PTPN3: variants seen among roughly 807,000 people sequenced by gnomAD.
The protein encoded by PTPN3 is tyrosine-protein phosphatase non-receptor type 3.
In PTPN3, 96 loss-of-function variants were observed where a neutral mutation model predicts 132.7. That is an observed-to-expected ratio of 0.72 (90% CI 0.61 to 0.86). The LOEUF (loss-of-function observed/expected upper bound fraction) is 0.86, where lower values mean the gene tolerates loss of function less well. PTPN3 is among the 40% of genes least tolerant of loss of function. The pLI, the probability that PTPN3 is intolerant of heterozygous loss-of-function variation, is 0.00. For synonymous variants in PTPN3, 398 were observed against 429.0 expected, an observed-to-expected ratio of 0.93 and a Z score of 0.89; for missense variants, 1,125 against 1,159.6, an observed-to-expected ratio of 0.97 and a Z score of 0.43.
At chr9:109,497,828 C>A (rs1186225446) in intron 1 of PTPN3, among the ~76,000 whole-genome samples, 2 of 151,900 alleles carry the variant, frequency 1.3e-5, no homozygotes, top group Non-Finnish European at 2.9e-5. Flanking sequence ...CTGTGTGCCC[C>A]CTCGGAGCCC....
chr9:109,457,816 C>G (rs1176565020), intron 2 of PTPN3, among the ~76,000 whole-genome samples: 1 of 152,174 alleles, frequency 6.6e-6, no homozygotes, highest in Admixed American at 6.5e-5. Flanking sequence ...GGAGAAGCCA[C>G]CGAAGTGCAT....
rs532494067 is a variant in PTPN3 at position 109,459,965 on chromosome 9, T to C, written c.139-2566A>G. ...CTCCAGTTTCAAGCTTGAAATCCCA[T>C]CTCTATCCTGGTGACATCCACATCT... On this transcript the variant is annotated intron_variant, in intron 2 of 25. Transcript: ENST00000374541. Among the ~76,000 whole-genome samples the C allele has an allele frequency of 2.0e-5, 3 of 152,078 alleles. No homozygotes were observed. In the South Asian group the frequency reaches 6.2e-4, roughly 32 times the overall value.
chr9:109,476,281 A>G (rs528916162), intron 1 of PTPN3, among the ~76,000 whole-genome samples: 2 of 152,156 alleles, frequency 1.3e-5, no homozygotes, highest in Non-Finnish European at 2.9e-5. Context: ...GACTTCTAAA[A>G]GGCATGCCAA....
chr9:109,520,891 TG>T, the PTPN3 span, among the ~76,000 whole-genome samples: 1 of 151,808 alleles, frequency 6.6e-6, no homozygotes, highest in Non-Finnish European at 1.5e-5. Context: ...TGAGTGCACT[TG>T]CACACACGCC....
At chr9:109,507,462 G>T in the PTPN3 span, among the ~76,000 whole-genome samples, 1 of 152,230 alleles carries the variant, frequency 6.6e-6, no homozygotes, top group East Asian at 1.9e-4. Flanking sequence ...TAAGAACGGG[G>T]GATGCTATTC....
chr9:109,456,788 C>T (rs897137385), intron 4 of PTPN3, among the ~76,000 whole-genome samples: 1 of 152,102 alleles, frequency 6.6e-6, no homozygotes, highest in African/African-American at 2.4e-5. Flanking sequence ...TCCGTGAACG[C>T]GACTATGCTG....
intron 5 of PTPN3, chr9:109,449,711 A>T: frequency 1.0e-6 from 1 of 985,468 alleles, no homozygotes; most frequent in Non-Finnish European, 1.2e-6. Context: ...TAGACATTCC[A>T]TTGTCTGGCC....
chr9:109,425,996 A>T (rs1843249331), intron 12 of PTPN3, among the ~76,000 whole-genome samples: 2 of 149,944 alleles, frequency 1.3e-5, no homozygotes, highest in Admixed American at 1.3e-4. Context: ...GCTGGGTGAC[A>T]GAGTAAGACT....
At chr9:109,536,001 C>A in the PTPN3 span, among the ~76,000 whole-genome samples, 1 of 152,168 alleles carries the variant, frequency 6.6e-6, no homozygotes, top group Admixed American at 6.5e-5. Context: ...AAGCCCTGTA[C>A]CATGAAGCAG....
intron 1 of PTPN3, among the ~76,000 whole-genome samples, chr9:109,483,353 G>A (rs551553273): frequency 1.3e-5 from 2 of 152,290 alleles, no homozygotes; most frequent in East Asian, 3.9e-4. Flanking sequence ...TTGATCACAG[G>A]CTTTACTCAT....
the PTPN3 span, among the ~76,000 whole-genome samples, chr9:109,531,082 T>G: frequency 6.6e-6 from 1 of 152,224 alleles, no homozygotes; most frequent in Admixed American, 6.5e-5. Flanking sequence ...CAAAGCCCAA[T>G]TTGTCTATTT....
At chr9:109,530,721 A>G in the PTPN3 span, among the ~76,000 whole-genome samples, 1,207 of 152,254 alleles carry the variant, frequency 7.9e-3, 27 homozygotes, top group African/African-American at 0.028. Flanking sequence ...TTTTCCTAAC[A>G]TATGTCATTT....
Position 109,409,066 on chromosome 9 carries a change from G to C in PTPN3, c.1579-689C>G, listed in dbSNP as rs371232483. 6.6e-5 allele frequency among the ~76,000 whole-genome samples: 10 copies of C among 152,042 alleles called. No individual in the cohort carries two copies. In the East Asian group the frequency reaches 9.7e-4, roughly 15 times the overall value. On this transcript the variant is annotated intron_variant, in intron 16 of 25. Coordinates refer to ENST00000374541, the MANE Select transcript of PTPN3 (RefSeq NM_002829.4). ...GAGTAGGGATGAGTAAACGTTTTCTGTAAAGGGCCAGAGAGGCTTTGTGGG... is the reference window on the plus strand; with the variant it reads ...GAGTAGGGATGAGTAAACGTTTTCTCTAAAGGGCCAGAGAGGCTTTGTGGG...
intron 7 of PTPN3, among the ~76,000 whole-genome samples, chr9:109,444,225 G>T (rs2131969255): frequency 1.3e-5 from 2 of 152,300 alleles, no homozygotes; most frequent in East Asian, 3.9e-4. Flanking sequence ...GGCTCTACCT[G>T]AGTACTATGC....
intron 1 of PTPN3, among the ~76,000 whole-genome samples, chr9:109,476,951 C>T (rs2132089652): frequency 6.6e-6 from 1 of 152,284 alleles, no homozygotes; most frequent in Non-Finnish European, 1.5e-5. Context: ...TTTTACACCC[C>T]TCACTCCTGA....
At chr9:109,406,361 G>T in intron 18 of PTPN3, 101 bp downstream of exon 18, 1 of 1,365,154 alleles carries the variant, frequency 7.3e-7, no homozygotes, top group Non-Finnish European at 1.0e-6. Context: ...TTCAAATGTT[G>T]GCTACAAACT....
upstream of PTPN3, among the ~76,000 whole-genome samples, chr9:109,500,314 A>G (rs1348186426): frequency 6.6e-6 from 1 of 152,194 alleles, no homozygotes; most frequent in Admixed American, 6.5e-5. Context: ...GCTGACCCCT[A>G]GACTGAAATT....
the PTPN3 span, among the ~76,000 whole-genome samples, chr9:109,521,062 A>G: frequency 6.6e-6 from 1 of 152,154 alleles, no homozygotes; most frequent in Non-Finnish European, 1.5e-5. Context: ...CCTCCACTCA[A>G]GTGTATGGAA....
the PTPN3 span, among the ~76,000 whole-genome samples, chr9:109,506,154 A>C: frequency 6.6e-6 from 1 of 152,188 alleles, no homozygotes; most frequent in Non-Finnish European, 1.5e-5. Flanking sequence ...ACGGACCCTC[A>C]GCTCTCAGGC....
Sources: allele counts gnomAD v4.1 joint callset (sites outside exome capture counted in the v4.1 genomes callset), GRCh38; gene constraint gnomAD v4.1.1; transcripts MANE v1.5; gene names NCBI Gene and HGNC (gene_info 2026-07-23, HGNC 2026-07-21).